COL24A1: variants seen among roughly 807,000 people sequenced by gnomAD.
COL24A1 encodes the protein collagen alpha-1(XXIV) chain.
Under a neutral mutation model 253.9 loss-of-function variants are expected in COL24A1, and 224 were observed. The observed-to-expected ratio is 0.88, with a 90% confidence interval of 0.79 to 0.99. The LOEUF is 0.99. COL24A1 is among the 50% of genes least tolerant of loss of function. The probability of loss-of-function intolerance (pLI) is 0.00; values close to 1 mark genes in which losing one functional copy is unlikely to be tolerated. For missense variants in COL24A1, 2,131 were observed against 2,068.5 expected (o/e 1.03, Z -0.59); for synonymous variants, 685 against 673.7 (o/e 1.02, Z -0.26).
At chr1:86,104,063 C>T (rs1410359793) in intron 5 of COL24A1, among the ~76,000 whole-genome samples, 1 of 152,184 alleles carries the variant, frequency 6.6e-6, no homozygotes, top group African/African-American at 2.4e-5. Context: ...CCCTATTTCT[C>T]AGGGGTTTTG....
chr1:85,825,411 T>C (rs1310424740), intron 43 of COL24A1, among the ~76,000 whole-genome samples: 1 of 152,192 alleles, frequency 6.6e-6, no homozygotes, highest in Non-Finnish European at 1.5e-5. Context: ...TATAGCAGCA[T>C]GATTTATAGT....
rs1157011698 is a variant in COL24A1 at position 85,907,248 on chromosome 1, C to T, written c.2725-1G>A. The stretch of plus-strand genomic sequence containing the variant: ...GTGGTCCTCTTGCCCCCACATGACC[C>T]TATATGTTGTAAATTTAAAGTCAGT... On this transcript the variant is annotated splice_acceptor_variant, in intron 27 of 59. Transcript: ENST00000370571. LOFTEE classifies it high-confidence loss of function. 1 of 1,609,794 alleles carries T rather than the reference C, an allele frequency of 6.2e-7. No individual in the cohort carries two copies. Among genetic ancestry groups the T allele is most frequent in the South Asian group, 1.1e-5 (1 of 90,808 alleles).
intron 47 of COL24A1, among the ~76,000 whole-genome samples, chr1:85,815,203 C>T (rs1201103371): frequency 6.6e-6 from 1 of 152,122 alleles, no homozygotes; most frequent in Non-Finnish European, 1.5e-5. Flanking sequence ...AAAACTTAAT[C>T]CACAAAAATA....
In COL24A1 at chr1:85,879,344, T is replaced by C. The variant is rs1353609004; in HGVS notation, c.2977-2169A>G. ...GATATCTATTTGTTCCAGCATAATT[T>C]GTTGAAAAGACTATCCATTGTATTG... On this transcript the variant is annotated intron_variant, in intron 32 of 59. Transcript: ENST00000370571. Among the ~76,000 whole-genome samples the C allele has an allele frequency of 2.0e-5, 3 of 152,120 alleles. No homozygotes were observed. The East Asian group carries it at 5.8e-4, about 29-fold the overall frequency.
chr1:85,858,621 CTCCTTCCTTCCTTCCTTCCTTCCTTCCT>C (rs1192322864), intron 37 of COL24A1, among the ~76,000 whole-genome samples: 16 of 113,270 alleles, frequency 1.4e-4, no homozygotes, highest in African/African-American at 5.0e-4. Context: ...TATTTTCTCC[CTCCTTCCTTCCTTCCTTCCTTCCTTCCT>C]TCCTTCCTTC....
intron 19 of COL24A1, among the ~76,000 whole-genome samples, chr1:86,012,461 C>T (rs1008906261): frequency 2.0e-5 from 3 of 152,006 alleles, no homozygotes; most frequent in African/African-American, 7.2e-5. Flanking sequence ...TGGTGGCATG[C>T]GCCTGTAATC....
At chr1:85,816,732 A>C (rs1673077404) in intron 47 of COL24A1, 56 bp downstream of exon 47, 1 of 1,430,220 alleles carries the variant, frequency 7.0e-7, no homozygotes, top group Non-Finnish European at 9.9e-7. Flanking sequence ...TCTATGGTCT[A>C]GCAAGGAGAC....
At position 86,115,624 on chromosome 1, in the gene COL24A1, T is replaced by C. The variant is rs576088571; in HGVS notation, c.1492-246A>G. Among the ~76,000 whole-genome samples, 3 of 152,294 alleles carry C rather than the reference T, an allele frequency of 2.0e-5. No individual in the cohort carries two copies. In the East Asian group the frequency reaches 5.8e-4, roughly 29 times the overall value. The stretch of plus-strand genomic sequence containing the variant: ...ATGACTTATGGTTACAGCCACCGTA[T>C]CTGGTTTTTAAAGGGACCACAACTA... On this transcript the variant is annotated intron_variant, in intron 3 of 59. Coordinates refer to ENST00000370571, the MANE Select transcript of COL24A1 (RefSeq NM_152890.7).
At chr1:85,971,904 G>T (rs879428207) in intron 20 of COL24A1, among the ~76,000 whole-genome samples, 9 of 152,132 alleles carry the variant, frequency 5.9e-5, no homozygotes, top group African/African-American at 9.7e-5. Context: ...ATGATAAAAA[G>T]AGAAGAGGAA....
intron 14 of COL24A1, 22 bp downstream of exon 14, chr1:86,031,856 G>A: frequency 6.3e-7 from 1 of 1,576,988 alleles, no homozygotes; most frequent in African/African-American, 1.4e-5. Context: ...TCTTAAGAAT[G>A]ATGATATTTA....
chr1:85,915,231 C>T (rs1685781296), intron 24 of COL24A1, among the ~76,000 whole-genome samples: 2 of 152,218 alleles, frequency 1.3e-5, no homozygotes, highest in African/African-American at 2.4e-5. Flanking sequence ...TAGTCTTCTC[C>T]TGCCTTTGAA....
intron 24 of COL24A1, among the ~76,000 whole-genome samples, chr1:85,958,275 A>T (rs1289822621): frequency 6.6e-6 from 1 of 152,014 alleles, no homozygotes; most frequent in African/African-American, 2.4e-5. Context: ...AACTTATATC[A>T]TTCTTTATGA....
chr1:85,759,757 T>C (rs1274207867), intron 55 of COL24A1, among the ~76,000 whole-genome samples: 2 of 152,200 alleles, frequency 1.3e-5, no homozygotes, highest in Non-Finnish European at 2.9e-5. Flanking sequence ...TCTCATGTCT[T>C]ACTCTATTTT....
intron 55 of COL24A1, among the ~76,000 whole-genome samples, chr1:85,755,544 T>C (rs1208328694): frequency 6.7e-6 from 1 of 150,026 alleles, no homozygotes; most frequent in South Asian, 2.1e-4. Flanking sequence ...AAGAATGAAA[T>C]ATAATAGAGA....
In COL24A1 at chr1:85,936,887, T is replaced by A. The variant is rs1333601830; in HGVS notation, c.2562+24362A>T. Reference sequence around the variant, plus strand: ...CAGCATACCGGTAGCCTTAGTAGAGTCTGGGCACTTAATCACAGGACACCA... The same window carrying A: ...CAGCATACCGGTAGCCTTAGTAGAGACTGGGCACTTAATCACAGGACACCA... On this transcript the variant is annotated intron_variant, in intron 24 of 59. Coordinates refer to ENST00000370571, the MANE Select transcript of COL24A1 (RefSeq NM_152890.7). Among the ~76,000 whole-genome samples the A allele has an allele frequency of 4.1e-5, 6 of 146,766 alleles. 3 individuals are homozygous for A. The South Asian group carries it at 9.9e-4, about 24-fold the overall frequency.
intron 48 of COL24A1, among the ~76,000 whole-genome samples, chr1:85,786,119 A>G (rs1669656113): frequency 6.6e-6 from 1 of 152,236 alleles, no homozygotes; most frequent in South Asian, 2.1e-4. Flanking sequence ...AGCATTTTTT[A>G]AAGCATCACT....
intron 37 of COL24A1, among the ~76,000 whole-genome samples, chr1:85,863,945 T>G (rs181030314): frequency 6.6e-6 from 1 of 152,208 alleles, no homozygotes. Flanking sequence ...ACTTTTACAC[T>G]GTTGGTGGGA....
chr1:85,961,849 C>T (rs1691109609), intron 23 of COL24A1, among the ~76,000 whole-genome samples: 1 of 152,116 alleles, frequency 6.6e-6, no homozygotes, highest in Non-Finnish European at 1.5e-5. Flanking sequence ...AACTCACTCG[C>T]TATCCCAAGA....
intron 37 of COL24A1, among the ~76,000 whole-genome samples, chr1:85,850,576 T>TA (rs1238491658): frequency 7.9e-5 from 12 of 152,150 alleles, no homozygotes; most frequent in Non-Finnish European, 1.8e-4. Context: ...TCTTTGAAGT[T>TA]AATGAGGCCT....
Sources: allele counts gnomAD v4.1 joint callset (sites outside exome capture counted in the v4.1 genomes callset), GRCh38; gene constraint gnomAD v4.1.1; transcripts MANE v1.5; gene names NCBI Gene and HGNC (gene_info 2026-07-23, HGNC 2026-07-21).